Variants in ZNF91 observed in about 807,000 individuals in gnomAD.
The protein encoded by ZNF91 is zinc finger protein 91 (HPF7, HTF10).
Under a neutral mutation model 12.6 loss-of-function variants are expected in ZNF91, and 7 were observed. That is an observed-to-expected ratio of 0.55 (90% CI 0.31 to 1.04). The LOEUF (loss-of-function observed/expected upper bound fraction) is 1.04, where lower values mean the gene tolerates loss of function less well. Among genes scored for constraint, ZNF91 ranks in the 50% least tolerant of loss-of-function variants. ZNF91 has a pLI of 0.05. For missense variants in ZNF91, 1,217 were observed against 1,385.4 expected (o/e 0.88, Z 1.93); for synonymous variants, 453 against 462.6 (o/e 0.98, Z 0.27).
chr19:23,370,189 C>T (rs1030365984), intron 3 of ZNF91, among the ~76,000 whole-genome samples: 1 of 151,434 alleles, frequency 6.6e-6, no homozygotes, highest in Admixed American at 6.6e-5. Context: ...ACCCTGAAGA[C>T]ATATTTGATA....
intron 1 of ZNF91, chr19:23,324,140 G>A (rs984124026): frequency 1.1e-4 from 15 of 139,176 alleles, no homozygotes; most frequent in African/African-American, 1.9e-4. Flanking sequence ...TCCTCCTCTC[G>A]TCCTCTTCTC....
At chr19:23,375,418 C>A (rs1385948575) in intron 1 of ZNF91, among the ~76,000 whole-genome samples, 3 of 152,092 alleles carry the variant, frequency 2.0e-5, no homozygotes, top group Non-Finnish European at 2.9e-5. Flanking sequence ...CTCGGCCTCC[C>A]AAAGTGCTGG....
intron 1 of ZNF91, among the ~76,000 whole-genome samples, chr19:23,309,381 ATG>A (rs1302799222): frequency 6.6e-6 from 1 of 152,150 alleles, no homozygotes; most frequent in Non-Finnish European, 1.5e-5. Context: ...GAACCAGGTG[ATG>A]TGTCTTTCAT....
intron 1 of ZNF91, among the ~76,000 whole-genome samples, chr19:23,329,347 C>T (rs934343932): frequency 6.6e-6 from 1 of 152,090 alleles, no homozygotes; most frequent in Non-Finnish European, 1.5e-5. Flanking sequence ...GGCTTAAGCC[C>T]ATCAGAGCAG....
chr19:23,389,402 C>CA (rs34173990), intron 1 of ZNF91, among the ~76,000 whole-genome samples: 30,394 of 111,646 alleles, frequency 0.27, 3,120 homozygotes, highest in Middle Eastern at 0.35. Flanking sequence ...AAGTTTTTGG[C>CA]AAAAAAAAAA....
At chr19:23,373,020 A>G (rs1009324105) in intron 3 of ZNF91, among the ~76,000 whole-genome samples, 22 of 152,146 alleles carry the variant, frequency 1.4e-4, no homozygotes, top group African/African-American at 5.3e-4. Flanking sequence ...TAACAACACA[A>G]CTAAAGGTGG....
At chr19:23,312,275 C>T (rs2145844441), upstream of ZNF91, among the ~76,000 whole-genome samples, 1 of 152,286 alleles carries the variant, frequency 6.6e-6, no homozygotes, top group South Asian at 2.1e-4. Flanking sequence ...AATTGTGGGA[C>T]TGTCATATAT....
rs965389521 is a variant in ZNF91 at position 23,359,263 on chromosome 19, C to T, written c.*140G>A. The stretch of plus-strand genomic sequence containing the variant: ...TTTGAGACGGAGTCTCGCTCTGTCG[C>T]CCAGGCTTGAGTGCAGTGGCGTGAT... On this transcript the variant is annotated 3_prime_UTR_variant, in exon 4 of 4. Transcript: ENST00000300619. 1 of 455,080 alleles carries T rather than the reference C, an allele frequency of 2.2e-6. No homozygotes were observed. Among genetic ancestry groups the T allele is most frequent in the African/African-American group, 2.0e-5 (1 of 49,860 alleles). The allele number at this position is 455,080 out of a possible 1,614,324, so 28.2% of individuals were successfully genotyped here. A position where few individuals can be genotyped will look rare whatever the true frequency, so the allele number is the denominator to read the frequency against.
At chr19:23,306,320 T>A (rs1418245500) in intron 3 of ZNF91, among the ~76,000 whole-genome samples, 1 of 152,236 alleles carries the variant, frequency 6.6e-6, no homozygotes, top group Non-Finnish European at 1.5e-5. Context: ...TTGTGATATA[T>A]GCACCTTCAC....
intron 1 of ZNF91, among the ~76,000 whole-genome samples, chr19:23,381,928 A>T (rs1969731503): frequency 6.6e-6 from 1 of 152,054 alleles, no homozygotes. Context: ...GTGCTTTTAG[A>T]ATGAGCAAGA....
chr19:23,313,740 G>A (rs1448964498), upstream of ZNF91, among the ~76,000 whole-genome samples: 1 of 152,110 alleles, frequency 6.6e-6, no homozygotes, highest in Admixed American at 6.6e-5. Context: ...GTTAAAAGTT[G>A]GATAATTGAC....
In ZNF91 at chr19:23,369,350, GC is replaced by G. The variant is rs554314493; in HGVS notation, c.253+4391del. Reference sequence around the variant, plus strand: ...ACGCCCGGGAGGGAGGTGGGGGGCAGCCCCCACCCGGCCAGCCGCCCCGTCC... The same window carrying G: ...ACGCCCGGGAGGGAGGTGGGGGGCAGCCCCACCCGGCCAGCCGCCCCGTCC... On this transcript the variant is annotated intron_variant, in intron 3 of 3. Transcript: ENST00000300619. Among the ~76,000 whole-genome samples, 333 of 150,470 alleles carry G rather than the reference GC, an allele frequency of 2.2e-3. 1 individual carries two copies. Among genetic ancestry groups the G allele is most frequent in the African/African-American group, 7.8e-3 (322 of 41,140 alleles).
intron 1 of ZNF91, among the ~76,000 whole-genome samples, chr19:23,316,166 ATTTTT>A (rs34486796): frequency 7.3e-6 from 1 of 137,740 alleles, no homozygotes; most frequent in Non-Finnish European, 1.6e-5. Flanking sequence ...AGGTGAGGTG[ATTTTT>A]TTTTTTTTTT....
intron 1 of ZNF91, among the ~76,000 whole-genome samples, chr19:23,391,128 T>C (rs1970054469): frequency 6.6e-6 from 1 of 152,248 alleles, no homozygotes; most frequent in African/African-American, 2.4e-5. Context: ...AACAGCAATG[T>C]ATAAGTATTC....
intron 1 of ZNF91, chr19:23,385,097 C>T (rs540350219): frequency 6.9e-6 from 6 of 869,538 alleles, no homozygotes; most frequent in Non-Finnish European, 1.2e-5. Flanking sequence ...AGCCACTCCT[C>T]CAACCTGTCC....
At chr19:23,310,862 A>G (rs1967458935), upstream of ZNF91, among the ~76,000 whole-genome samples, 2 of 152,158 alleles carry the variant, frequency 1.3e-5, no homozygotes, top group Admixed American at 1.3e-4. Context: ...AGGTGATGTC[A>G]CTTTTTTGCC....
chr19:23,349,251 C>T (rs1357116329), intron 3 of ZNF91, among the ~76,000 whole-genome samples: 1 of 152,086 alleles, frequency 6.6e-6, no homozygotes, highest in African/African-American at 2.4e-5. Context: ...TTTGAAATCC[C>T]TAATAAAAAC....
At chr19:23,331,371 A>T (rs28494629) in intron 1 of ZNF91, among the ~76,000 whole-genome samples, 3,621 of 152,316 alleles carry the variant, frequency 0.024, 135 homozygotes, top group African/African-American at 0.082. Context: ...ATTAAAAATT[A>T]TATCTGGTAA....
Position 23,362,302 on chromosome 19 carries a change from G to A in ZNF91, c.677C>T (p.Thr226Ile), listed in dbSNP as rs763969288. The A allele has an allele frequency of 6.8e-6, 11 of 1,613,850 alleles. No individual in the cohort carries two copies. The highest frequency in any genetic ancestry group is 9.3e-6 in the Non-Finnish European group (11 of 1,179,962). ...TTCAGTATGAATTTCCTTATGATTAGTAAGGGTTGAGGACCAATGAAAGGT... is the reference window on the plus strand; with the variant it reads ...TTCAGTATGAATTTCCTTATGATTAATAAGGGTTGAGGACCAATGAAAGGT... Reference protein sequence around the residue: ...EKTFHWSSTLTNHKEIHTEDK... With the variant: ...EKTFHWSSTLINHKEIHTEDK... Residue 226 changes from threonine (T) to isoleucine (I), a missense_variant, in exon 4 of 4, where the codon ACT (threonine) becomes ATT (isoleucine). Coordinates refer to ENST00000300619, the MANE Select transcript of ZNF91 (RefSeq NM_003430.4).
Sources: allele counts gnomAD v4.1 joint callset (sites outside exome capture counted in the v4.1 genomes callset), GRCh38; gene constraint gnomAD v4.1.1; transcripts MANE v1.5; gene names NCBI Gene and HGNC (gene_info 2026-07-23, HGNC 2026-07-21).